The following DUOX2 variants were observed in gnomAD, a reference collection of about 807,000 sequenced individuals.
DUOX2 encodes dual oxidase 2.
DUOX2 carries 185 observed loss-of-function variants against 183.3 expected under a neutral mutation model. The ratio of observed to expected loss-of-function variants is 1.01; its 90% confidence interval spans 0.90 to 1.14. The LOEUF is 1.14. Among genes scored for constraint, DUOX2 ranks in the 50% most tolerant of loss-of-function variants. DUOX2 has a pLI of 0.00. For missense variants in DUOX2, 1,999 were observed against 2,022.9 expected, an observed-to-expected ratio of 0.99 and a Z score of 0.23; for synonymous variants, 788 against 812.4, an observed-to-expected ratio of 0.97 and a Z score of 0.51.
intron 18 of DUOX2, among the ~76,000 whole-genome samples, chr15:45,105,392 C>T (rs1394311546): frequency 6.6e-6 from 1 of 152,172 alleles, no homozygotes; most frequent in Admixed American, 6.5e-5. Flanking sequence ...ATCCTCACAA[C>T]AATGCAATGG....
At chr15:45,101,385 G>T in intron 21 of DUOX2, 111 bp from the exon 22 acceptor site, 1 of 951,200 alleles carries the variant, frequency 1.1e-6, no homozygotes, top group Non-Finnish European at 1.7e-6. Flanking sequence ...TCTCTGACTC[G>T]AGTCCTGTTT....
Position 45,106,534 on chromosome 15 carries a change from C to A in DUOX2, c.1939G>T (p.Val647Leu). The change falls in exon 16 of 34, where the codon GTG (valine) becomes TTG (leucine). Residue 647 changes from valine to leucine, a missense_variant. Physicochemically the swap from Val to Leu is conservative, Grantham distance 32. This residue lies in a region of DUOX2 where 1,628 missense variants were observed against 1,608.6 expected (regional missense o/e 1.01). Transcript: ENST00000389039. The stretch of plus-strand genomic sequence containing the variant: ...CTGCCCAGCCCCTGCTCACCTGGCA[C>A]TCCATCTTTGGCTGCTTCCTTCTTC... ...SVKKEAAKDG[V>L]PAMEWPGPKE... is the part of the protein sequence containing the mutation. The A allele has an allele frequency of 3.1e-6, 5 of 1,614,168 alleles. No homozygotes were observed. The highest frequency in any genetic ancestry group is 4.2e-6 in the Non-Finnish European group (5 of 1,180,022).
intron 26 of DUOX2, 81 bp downstream of exon 26, chr15:45,099,302 G>A (rs1437571847): frequency 1.7e-5 from 22 of 1,319,476 alleles, no homozygotes; most frequent in Middle Eastern, 2.2e-4. Flanking sequence ...GAGCCACCGC[G>A]CCCGGCCTGC....
chr15:45,112,029 G>C lies in DUOX2; in HGVS notation c.326-74C>G. The stretch of plus-strand genomic sequence containing the variant: ...TCCCCACGGCCAGGGCGGCCTCCAA[G>C]TGTCCTCAGGAGCCAAAAGACAGAG... On this transcript the variant is annotated intron_variant, in intron 4 of 33. Transcript: ENST00000389039. 5 of 1,561,052 alleles carry C rather than the reference G, an allele frequency of 3.2e-6. No individual in the cohort carries two copies. The Middle Eastern group carries it at 5.0e-4, about 157-fold the overall frequency.
chr15:45,107,300 T>G lies in DUOX2; in HGVS notation c.1693+45A>C, dbSNP rs573717169. 47 of 1,608,468 alleles carry G rather than the reference T, an allele frequency of 2.9e-5. No individual in the cohort carries two copies. The East Asian group carries it at 9.4e-4, about 32-fold the overall frequency. On this transcript the variant is annotated intron_variant, in intron 14 of 33. Transcript: ENST00000389039. Reference sequence around the variant, plus strand: ...TCCCCCGCACCCTCAATCTTGATCCTTCTCTGGCCACTGTCACTCACTTGT... The same window carrying G: ...TCCCCCGCACCCTCAATCTTGATCCGTCTCTGGCCACTGTCACTCACTTGT...
At chr15:45,101,121 G>A in intron 22 of DUOX2, 84 bp downstream of exon 22, 1 of 1,257,960 alleles carries the variant, frequency 7.9e-7, no homozygotes, top group Non-Finnish European at 1.1e-6. Flanking sequence ...ATTTTACCAG[G>A]GGCTGATCAG....
rs548949995 is a variant in DUOX2 at position 45,095,987 on chromosome 15, G to A, written c.3921C>T (p.Cys1307=). 92 of 1,613,870 alleles carry A rather than the reference G, an allele frequency of 5.7e-5. No homozygotes were observed. The highest frequency in any genetic ancestry group is 4.9e-4 in the Middle Eastern group (3 of 6,062). ...YKSGQWVRIA[C]LALGTTEYHP... is the part of the protein sequence containing the mutation. Reference sequence around the variant, plus strand: ...GGTACTCGGTGGTCCCCAGAGCCAGGCAGGCGATCCGCACCCACTGTCCTG... The same window carrying A: ...GGTACTCGGTGGTCCCCAGAGCCAGACAGGCGATCCGCACCCACTGTCCTG... The change falls in exon 30 of 34, where the codon TGC becomes TGT. Residue 1307 remains cysteine (C), a synonymous_variant. Transcript: ENST00000389039.
In DUOX2 at chr15:45,095,883, C is replaced by T. The variant is rs140110061; in HGVS notation, c.4025G>A (p.Arg1342His). 65 of 1,612,730 alleles carry T rather than the reference C, an allele frequency of 4.0e-5. No homozygotes were observed. The African/African-American group carries it at 5.5e-4, about 14-fold the overall frequency. ...HIRAVGPWTT[R>H]LREIYSSPKG... ...TGGGGATGAGTAGATCTCCCTGAGG[C>T]GAGTGGTCCAGGGCCCCACTGCCCG... is the stretch of plus-strand genomic sequence containing the variant. The change falls in exon 30 of 34, where the codon CGC (arginine) becomes CAC (histidine). Residue 1342 changes from arginine (R) to histidine (H), a missense_variant. Arg to His is a conservative substitution (Grantham distance 29). Transcript: ENST00000389039.
Position 45,111,596 on chromosome 15 carries a change from C to A in DUOX2, c.514-11G>T. The A allele has an allele frequency of 6.5e-7, 1 of 1,528,606 alleles. No homozygotes were observed. The allele number at this position is 1,528,606 out of a possible 1,614,324, so 94.7% of individuals were successfully genotyped here. ...CGTCACCTGGTTGGCCTGCGGGGCA[C>A]GCGGCGGGTGAGCCCGGGTCGAGAG... is the stretch of plus-strand genomic sequence containing the variant. On this transcript the variant is annotated splice_polypyrimidine_tract_variant and intron_variant, in intron 5 of 33. Transcript: ENST00000389039.
rs1893830799 is a variant in DUOX2, at chr15:45,094,147, G to A, written c.*3C>T. ...CTGGAAGCAGCAGCCAGGGAGGACAGGCTCAGAAGTTCTCATAGTGGTGCA... is the reference window on the plus strand; with the variant it reads ...CTGGAAGCAGCAGCCAGGGAGGACAAGCTCAGAAGTTCTCATAGTGGTGCA... On this transcript the variant is annotated 3_prime_UTR_variant, in exon 34 of 34. Coordinates refer to ENST00000389039, the MANE Select transcript of DUOX2 (RefSeq NM_001363711.2). 3.1e-6 allele frequency: 5 copies of A among 1,614,176 alleles called. No homozygotes were observed. In the African/African-American group the frequency reaches 5.3e-5, roughly 17 times the overall value.
At chr15:45,112,776 A>C in intron 3 of DUOX2, 58 bp from the exon 4 acceptor site, 3 of 1,604,542 alleles carry the variant, frequency 1.9e-6, no homozygotes, top group Non-Finnish European at 1.7e-6. Context: ...GATCCCCCAA[A>C]CCTCTCCCTA....
chr15:45,096,179 G>T (rs896061267), intron 29 of DUOX2, 119 bp from the exon 30 acceptor site: 7 of 857,026 alleles, frequency 8.2e-6, no homozygotes, highest in Middle Eastern at 2.2e-4. Context: ...CATGGTCTGA[G>T]CAAGCGGGGC....
At chr15:45,109,500 C>T (rs1300128047) in intron 11 of DUOX2, 24 bp downstream of exon 11, 11 of 1,610,572 alleles carry the variant, frequency 6.8e-6, no homozygotes, top group Non-Finnish European at 9.3e-6. Context: ...CCTTACCATC[C>T]ACCCCTTCTG....
At chr15:45,101,116 A>G in intron 22 of DUOX2, 89 bp downstream of exon 22, 1 of 1,226,752 alleles carries the variant, frequency 8.2e-7, no homozygotes, top group Admixed American at 1.9e-5. Context: ...GCCTGATTTT[A>G]CCAGGGGCTG....
rs269859 is a variant in DUOX2, at chr15:45,110,742, A to G, written c.883-32T>C. The G allele has an allele frequency of 0.88, 1,423,636 of 1,611,184 alleles. 646,043 individuals are homozygous for G. The highest frequency in any genetic ancestry group is 0.93 in the East Asian group (41,704 of 44,818). ...GGCAGAGAGGGGCGAGGGGAGGCAC[A>G]AGTTGGATGGTGTGGGGCCTGGAAG... On this transcript the variant is annotated intron_variant, in intron 7 of 33. Coordinates refer to ENST00000389039, the MANE Select transcript of DUOX2 (RefSeq NM_001363711.2).
rs773481995 is a variant in DUOX2 at position 45,104,263 on chromosome 15, C to T, written c.2437G>A (p.Glu813Lys). The change falls in exon 19 of 34, where the codon GAG (glutamate) becomes AAG (lysine). Residue 813 changes from glutamate (E) to lysine (K), a missense_variant. Glu to Lys is a moderately conservative substitution (Grantham distance 56). Around this residue, in one of 3 missense-constraint regions of DUOX2, gnomAD observed 1,628 missense variants for 1,608.6 expected, o/e 1.01. Coordinates refer to ENST00000389039, the MANE Select transcript of DUOX2 (RefSeq NM_001363711.2). The stretch of plus-strand genomic sequence containing the variant: ...TCCTGGGGCTTGAGGCCCAGGGACT[C>T]GGCAAACTCGGCCCTGCTCAGCTCG... ...TCELSRAEFA[E>K]SLGLKPQDMF... 41 of 1,613,956 alleles carry T rather than the reference C, an allele frequency of 2.5e-5. 2 individuals are homozygous for T. Among genetic ancestry groups the T allele is most frequent in the Middle Eastern group, 3.3e-4 (2 of 6,084 alleles).
rs374614801 is a variant in DUOX2, at chr15:45,099,694, C to T, written c.3383G>A (p.Arg1128His). 189 of 1,614,186 alleles carry T rather than the reference C, an allele frequency of 1.2e-4. No individual in the cohort carries two copies. The highest frequency in any genetic ancestry group is 2.9e-4 in the East Asian group (13 of 44,882). Residue 1128 changes from arginine (R) to histidine (H), a missense_variant, in exon 25 of 34, where the codon CGC becomes CAC. By Grantham distance (29) the Arg-to-His change is conservative. This residue lies in a region of DUOX2 where 1,628 missense variants were observed against 1,608.6 expected (regional missense o/e 1.01). Coordinates refer to ENST00000389039, the MANE Select transcript of DUOX2 (RefSeq NM_001363711.2). ...VPFDAAVDFH[R>H]WIAMAAVVLA... ...GACAACAGCAGCCATGGCGATCCAG[C>T]GGTGGAAGTCCACTGCGGCATCAAA...
chr15:45,109,365 A>C, intron 11 of DUOX2, 159 bp downstream of exon 11: 1 of 674,368 alleles, frequency 1.5e-6, no homozygotes, highest in South Asian at 1.7e-5. Context: ...AAAAAAAAAA[A>C]AAAGTTCAAA....
At chr15:45,095,797 G>A in intron 30 of DUOX2, 31 bp downstream of exon 30, 1 of 1,598,126 alleles carries the variant, frequency 6.3e-7, no homozygotes, top group Non-Finnish European at 8.6e-7. Context: ...AGTGCCAGAG[G>A]CCCGGAAGCA....
Sources: allele counts gnomAD v4.1 joint callset (sites outside exome capture counted in the v4.1 genomes callset), GRCh38; gene constraint gnomAD v4.1.1; regional missense constraint gnomAD v4.1.1; transcripts MANE v1.5; gene names NCBI Gene and HGNC (gene_info 2026-07-23, HGNC 2026-07-21).